The following DMD variants were observed in gnomAD, a reference collection of about 807,000 sequenced individuals.
DMD encodes the protein mutant dystrophin.
In DMD, 63 loss-of-function variants were observed where a neutral mutation model predicts 330.1. The observed-to-expected ratio is 0.19, with a 90% CI of 0.16 to 0.24. The LOEUF (loss-of-function observed/expected upper bound fraction) is 0.24, where lower values mean the gene tolerates loss of function less well. Ranked by LOEUF, DMD falls within the 10% of genes least tolerant of loss-of-function variation. DMD has a pLI of 1.00. For synonymous variants in DMD, 1,223 were observed against 959.8 expected (o/e 1.27, Z -5.07); for missense variants, 3,344 against 2,684.1 (o/e 1.25, Z -5.43).
intron 27 of DMD, among the ~76,000 whole-genome samples, chrX:32,443,423 G>T (rs1333807925): frequency 2.7e-5 from 3 of 110,964 alleles, no homozygotes; most frequent in Non-Finnish European, 5.7e-5. Flanking sequence ...TCTAAAATCT[G>T]GGTCATTTCC....
intron 62 of DMD, among the ~76,000 whole-genome samples, chrX:31,267,797 T>C (rs1169205760): frequency 8.9e-6 from 1 of 112,302 alleles, no homozygotes; most frequent in Admixed American, 9.4e-5. Flanking sequence ...CACACAATTA[T>C]TTCAAGCTTG....
rs1192506005 is a variant in DMD at position 33,135,823 on chromosome X, A to G, written c.31+75459T>C. Among the ~76,000 whole-genome samples, 4 of 112,342 alleles carry G rather than the reference A, an allele frequency of 3.6e-5. No individual in the cohort carries two copies. In the East Asian group the frequency reaches 1.1e-3, roughly 31 times the overall value. On this transcript the variant is annotated intron_variant, in intron 1 of 78. Coordinates refer to ENST00000357033, the MANE Select transcript of DMD (RefSeq NM_004006.3). ...TTTCAGGCATAAATGGATAATATTT[A>G]ACATATAAGGTAATTGAAACATGGG...
At position 31,476,438 on chromosome X, in the gene DMD, T is replaced by C. The variant is rs909922569; in HGVS notation, c.8937+1668A>G. Among the ~76,000 whole-genome samples the C allele has an allele frequency of 1.4e-3, 132 of 97,736 alleles. 1 individual carries two copies. In the East Asian group the frequency reaches 0.043, roughly 32 times the overall value. 84.9% of individuals were successfully genotyped at this position (97,736 alleles called of 115,157 possible). A position where few individuals can be genotyped will look rare whatever the true frequency, so the allele number is the denominator to read the frequency against. On this transcript the variant is annotated intron_variant, in intron 59 of 78. Transcript: ENST00000357033. ...ATATATATACACACACACACACACA[T>C]ACTTTACAGACACACACATTCAATA...
chrX:31,836,765 T>C lies in DMD; in HGVS notation c.7153A>G (p.Lys2385Glu). 2 of 1,212,061 alleles carry C rather than the reference T, an allele frequency of 1.7e-6. No homozygotes were observed. The highest frequency in any genetic ancestry group is 2.2e-6 in the Non-Finnish European group (2 of 895,509). The part of the protein sequence containing the change: ...KQPDVEEILS[K>E]GQHLYKEKPA... The stretch of plus-strand genomic sequence containing the variant: ...TTTTCCTTGTACAAATGCTGCCCTT[T>C]AGACAAAATCTCTTCCACATCCGGT... Residue 2385 changes from lysine to glutamate, a missense_variant, in exon 49 of 79, where the codon AAA (lysine) becomes GAA (glutamate). Lys to Glu is a moderately conservative substitution (Grantham distance 56). Transcript: ENST00000357033.
At chrX:32,233,732 A>G (rs2097177778) in intron 43 of DMD, among the ~76,000 whole-genome samples, 1 of 108,359 alleles carries the variant, frequency 9.2e-6, no homozygotes, top group South Asian at 4.0e-4. Context: ...TCCAGGGTGG[A>G]AGAGATTCTC....
chrX:32,707,096 G>A (rs748975324), intron 7 of DMD, among the ~76,000 whole-genome samples: 33 of 100,348 alleles, frequency 3.3e-4, no homozygotes, highest in South Asian at 2.0e-3. Context: ...CGTCTCGGAG[G>A]GGGTAAAAAA....
intron 44 of DMD, among the ~76,000 whole-genome samples, chrX:32,035,811 A>T (rs1250364386): frequency 9.1e-6 from 1 of 110,175 alleles, no homozygotes; most frequent in Non-Finnish European, 1.9e-5. Context: ...TGATGTTTAG[A>T]GCCACTGTGA....
intron 37 of DMD, among the ~76,000 whole-genome samples, chrX:32,357,226 C>G (rs1228885624): frequency 8.9e-6 from 1 of 111,946 alleles, no homozygotes; most frequent in Non-Finnish European, 1.9e-5. Context: ...CCTAGTCAAT[C>G]AGAGTTAAAT....
chrX:32,509,837 C>A (rs2045092764), intron 18 of DMD, among the ~76,000 whole-genome samples: 1 of 111,412 alleles, frequency 9.0e-6, no homozygotes, highest in Non-Finnish European at 1.9e-5. Flanking sequence ...AGGCCTCAAT[C>A]TGTGTTTTCC....
intron 62 of DMD, among the ~76,000 whole-genome samples, chrX:31,317,509 A>T (rs939076334): frequency 1.2e-5 from 1 of 84,910 alleles, no homozygotes; most frequent in East Asian, 3.3e-4. Context: ...AAATGAGGAA[A>T]TTTTTTTTTT....
Position 32,250,440 on chromosome X carries a change from C to A in DMD, c.6291-33377G>T, listed in dbSNP as rs766970163. ...TTGTAAGCAATATTTTCTCTCTTTT[C>A]TATTAAGCTTTATTTGCCTAGTTTA... On this transcript the variant is annotated intron_variant, in intron 43 of 78. Transcript: ENST00000357033. 2.7e-5 allele frequency among the ~76,000 whole-genome samples: 3 copies of A among 111,799 alleles called. No individual in the cohort carries two copies. In the South Asian group the frequency reaches 1.1e-3, roughly 42 times the overall value.
intron 1 of DMD, among the ~76,000 whole-genome samples, chrX:33,056,335 G>C (rs1220137876): frequency 1.1e-5 from 1 of 89,298 alleles, no homozygotes; most frequent in Non-Finnish European, 2.3e-5. Context: ...TGACCCCTGC[G>C]CTCTTTTTTT....
chrX:32,547,838 A>T (rs1413484332), intron 16 of DMD, among the ~76,000 whole-genome samples: 1 of 111,422 alleles, frequency 9.0e-6, no homozygotes, highest in African/African-American at 3.3e-5. Flanking sequence ...ATTGGGAAAG[A>T]TGTTCTTAAC....
intron 45 of DMD, among the ~76,000 whole-genome samples, chrX:31,951,129 A>ATATATATG (rs2095160517): frequency 1.3e-5 from 1 of 79,695 alleles, no homozygotes; most frequent in East Asian, 3.6e-4. Context: ...ATACATATAT[A>ATATATATG]TATATATATA....
chrX:32,248,696 GTAAT>G (rs2097252035), intron 43 of DMD, among the ~76,000 whole-genome samples: 2 of 110,052 alleles, frequency 1.8e-5, no homozygotes, highest in Admixed American at 2.0e-4. Context: ...TAGTAACCAC[GTAAT>G]TAATTATTAA....
At chrX:31,631,049 T>C (rs768740610) in intron 54 of DMD, among the ~76,000 whole-genome samples, 1 of 111,486 alleles carries the variant, frequency 9.0e-6, no homozygotes, top group Admixed American at 9.6e-5. Flanking sequence ...AGTGTTCTCA[T>C]AGTCCATGGA....
intron 17 of DMD, among the ~76,000 whole-genome samples, chrX:32,542,388 C>T (rs986166150): frequency 2.7e-5 from 3 of 111,596 alleles, no homozygotes; most frequent in African/African-American, 9.8e-5. Context: ...GCTGAGATCC[C>T]GCCACTGCAC....
At chrX:32,768,705 T>A (rs1459469191) in intron 7 of DMD, among the ~76,000 whole-genome samples, 1 of 112,112 alleles carries the variant, frequency 8.9e-6, no homozygotes, top group African/African-American at 3.2e-5. Context: ...CTAATGGATA[T>A]TTTCCTCTTA....
intron 2 of DMD, among the ~76,000 whole-genome samples, chrX:32,894,810 T>C (rs1436653320): frequency 8.9e-6 from 1 of 112,545 alleles, no homozygotes; most frequent in Non-Finnish European, 1.9e-5. Context: ...TGTTGTTGTT[T>C]TGTGTGTACG....
Sources: allele counts gnomAD v4.1 joint callset (sites outside exome capture counted in the v4.1 genomes callset), GRCh38; gene constraint gnomAD v4.1.1; transcripts MANE v1.5; gene names NCBI Gene and HGNC (gene_info 2026-07-23, HGNC 2026-07-21).